ST8SIA4: variants seen among roughly 807,000 people sequenced by gnomAD.
ST8SIA4 encodes CMP-N-acetylneuraminate-poly-alpha-2,8-sialyltransferase.
A neutral mutation model predicts 33.9 loss-of-function variants in ST8SIA4; 15 were observed. That is an observed-to-expected ratio of 0.44 (90% CI 0.30 to 0.68). ST8SIA4 has a LOEUF of 0.68. ST8SIA4 is among the 30% of genes least tolerant of loss of function. The probability of loss-of-function intolerance (pLI) is 0.10; values close to 1 mark genes in which losing one functional copy is unlikely to be tolerated. For synonymous variants in ST8SIA4, 171 were observed against 151.2 expected, an observed-to-expected ratio of 1.13 and a Z score of -0.96; for missense variants, 321 against 428.0, an observed-to-expected ratio of 0.75 and a Z score of 2.21.
intron 4 of ST8SIA4, among the ~76,000 whole-genome samples, chr5:100,838,880 A>G (rs1485056930): frequency 6.6e-6 from 1 of 152,042 alleles, no homozygotes; most frequent in Non-Finnish European, 1.5e-5. Context: ...AATTTCAGCA[A>G]ATCATAAAAT....
intron 3 of ST8SIA4, among the ~76,000 whole-genome samples, chr5:100,877,862 C>A (rs1752339635): frequency 6.6e-6 from 1 of 152,266 alleles, no homozygotes; most frequent in East Asian, 1.9e-4. Context: ...TATTTGTGAG[C>A]TGAAATTAAC....
intron 4 of ST8SIA4, among the ~76,000 whole-genome samples, chr5:100,855,317 C>T (rs1175866474): frequency 6.6e-6 from 1 of 152,142 alleles, no homozygotes; most frequent in African/African-American, 2.4e-5. Flanking sequence ...ACAACATATT[C>T]CCCTATTAGG....
At chr5:100,827,870 T>C (rs150919898) in intron 4 of ST8SIA4, among the ~76,000 whole-genome samples, 117 of 152,310 alleles carry the variant, frequency 7.7e-4, no homozygotes, top group African/African-American at 2.7e-3. Context: ...AAAGTGCATT[T>C]TAAGATCACA....
At position 100,886,433 on chromosome 5, in the gene ST8SIA4, C is replaced by G. The variant is rs1752538634; in HGVS notation, c.413G>C (p.Arg138Thr). 1 of 1,613,790 alleles carries G rather than the reference C, an allele frequency of 6.2e-7. No individual in the cohort carries two copies. The highest frequency in any genetic ancestry group is 1.3e-5 in the African/African-American group (1 of 74,902). Residue 138 changes from arginine (R) to threonine (T), a missense_variant, in exon 3 of 5, where the codon AGG (arginine) becomes ACG (threonine). Coordinates refer to ENST00000231461, the MANE Select transcript of ST8SIA4 (RefSeq NM_005668.6). ...LPEVSPMKNRRFKTCAVVGNS... is the reference protein window; with the variant it reads ...LPEVSPMKNRTFKTCAVVGNS... ...TCCAACAACTGCACAGGTCTTAAAC[C>G]TGCGATTCTTCATTGGTGAAACTTC...
At chr5:100,837,153 A>T (rs1471939774) in intron 4 of ST8SIA4, among the ~76,000 whole-genome samples, 3 of 152,036 alleles carry the variant, frequency 2.0e-5, no homozygotes, top group Non-Finnish European at 4.4e-5. Context: ...CTAGTTTCAA[A>T]AGCATTTAGC....
intron 4 of ST8SIA4, among the ~76,000 whole-genome samples, chr5:100,837,411 A>G (rs1219673986): frequency 6.6e-6 from 1 of 152,026 alleles, no homozygotes; most frequent in Non-Finnish European, 1.5e-5. Flanking sequence ...TAAAGAAAAT[A>G]TTCTAATACA....
chr5:100,876,797 GT>G (rs1165727321), intron 3 of ST8SIA4, among the ~76,000 whole-genome samples: 1 of 151,848 alleles, frequency 6.6e-6, no homozygotes, highest in Non-Finnish European at 1.5e-5. Context: ...TTAGAAATCA[GT>G]TTGATATTGA....
chr5:100,882,928 G>A (rs10478633), intron 3 of ST8SIA4, among the ~76,000 whole-genome samples: 45,964 of 152,146 alleles, frequency 0.3, 7,056 homozygotes, highest in Non-Finnish European at 0.32. Flanking sequence ...CAGGGGCGGG[G>A]TGCTCACGGA....
In ST8SIA4 at chr5:100,808,510, T is replaced by C. The variant is rs1261728870; in HGVS notation, c.*3337A>G. The stretch of plus-strand genomic sequence containing the variant: ...AAAATGTTTCCATGGTCTATTCATG[T>C]CAACAGCACAATAACAACCATGTTC... On this transcript the variant is annotated 3_prime_UTR_variant, in exon 5 of 5. Transcript: ENST00000231461. 6.6e-6 allele frequency: 1 copy of C among 152,586 alleles called. No homozygotes were observed. Among genetic ancestry groups the C allele is most frequent in the African/African-American group, 2.4e-5 (1 of 41,464 alleles). The allele number at this position is 152,586 out of a possible 1,614,324, so 9.5% of individuals were successfully genotyped here.
chr5:100,846,400 T>C (rs1046100102), intron 4 of ST8SIA4, among the ~76,000 whole-genome samples: 2 of 152,016 alleles, frequency 1.3e-5, no homozygotes, highest in African/African-American at 4.8e-5. Context: ...AATTTATGCT[T>C]CTTATTAGTT....
chr5:100,867,939 A>T (rs1407793920), intron 3 of ST8SIA4, among the ~76,000 whole-genome samples: 1 of 151,976 alleles, frequency 6.6e-6, no homozygotes, highest in East Asian at 1.9e-4. Flanking sequence ...TTATTACACC[A>T]TACTTATTCT....
intron 4 of ST8SIA4, among the ~76,000 whole-genome samples, chr5:100,827,134 A>G (rs776172813): frequency 6.6e-6 from 1 of 152,166 alleles, no homozygotes; most frequent in Non-Finnish European, 1.5e-5. Context: ...CTAATGGTAC[A>G]AGTCAGAAGT....
At position 100,808,574 on chromosome 5, in the gene ST8SIA4, C is replaced by A. The variant is rs2112388668; in HGVS notation, c.*3273G>T. 6.6e-6 allele frequency: 1 copy of A among 152,652 alleles called. No individual in the cohort carries two copies. Among genetic ancestry groups the A allele is most frequent in the South Asian group, 2.1e-4 (1 of 4,822 alleles). The allele number at this position is 152,652 out of a possible 1,614,324, so 9.5% of individuals were successfully genotyped here. A position where few individuals can be genotyped will look rare whatever the true frequency, so the allele number is the denominator to read the frequency against. On this transcript the variant is annotated 3_prime_UTR_variant, in exon 5 of 5. Transcript: ENST00000231461. ...AATATTTCACAATCAGCTGCCTGAG[C>A]ATTGCCAAGTACAGGGTTAAATAGT...
At chr5:100,820,500 T>C (rs1486211232) in intron 4 of ST8SIA4, among the ~76,000 whole-genome samples, 2 of 152,102 alleles carry the variant, frequency 1.3e-5, no homozygotes, top group East Asian at 3.8e-4. Flanking sequence ...AAATTGTATA[T>C]ATTTATTATA....
intron 1 of ST8SIA4, among the ~76,000 whole-genome samples, chr5:100,898,929 C>T (rs916227748): frequency 2.6e-5 from 4 of 152,160 alleles, no homozygotes; most frequent in African/African-American, 9.7e-5. Flanking sequence ...CAAAGGATCC[C>T]TGCTTATTTG....
chr5:100,886,340 C>T lies in ST8SIA4; in HGVS notation c.503+3G>A. ...CAATCTCAAAAAGCAGAAGAAAGCT[C>T]ACCTTATTACAAAATTGTGACTGTC... On this transcript the variant is annotated splice_donor_region_variant and intron_variant, in intron 3 of 4. Transcript: ENST00000231461. 4 of 1,611,312 alleles carry T rather than the reference C, an allele frequency of 2.5e-6. No individual in the cohort carries two copies. The highest frequency in any genetic ancestry group is 3.4e-6 in the Non-Finnish European group (4 of 1,177,928).
intron 4 of ST8SIA4, among the ~76,000 whole-genome samples, chr5:100,820,509 T>C (rs768719847): frequency 1.3e-5 from 2 of 152,124 alleles, no homozygotes; most frequent in African/African-American, 2.4e-5. Flanking sequence ...ATATTTATTA[T>C]ATAAAACATG....
chr5:100,892,790 G>A (rs1187435067), intron 2 of ST8SIA4, among the ~76,000 whole-genome samples: 1 of 152,000 alleles, frequency 6.6e-6, no homozygotes, highest in Admixed American at 6.6e-5. Flanking sequence ...TGAACAATGA[G>A]AACACATGGA....
chr5:100,865,583 A>G (rs2112450659), intron 3 of ST8SIA4, among the ~76,000 whole-genome samples: 1 of 152,304 alleles, frequency 6.6e-6, no homozygotes, highest in East Asian at 1.9e-4. Flanking sequence ...ATTTCAAATC[A>G]GCATGTTCAA....
Sources: gnomAD v4.1 joint callset for allele counts (sites outside exome capture counted in the v4.1 genomes callset) on GRCh38, gnomAD v4.1.1 for gene constraint, MANE v1.5 for transcripts, NCBI Gene and HGNC (gene_info 2026-07-23, HGNC 2026-07-21) for gene names.